CEP55: variants seen among roughly 807,000 people sequenced by gnomAD.
CEP55 encodes the protein centrosomal protein 55, also known as centrosomal protein of 55 kDa.
A neutral mutation model predicts 63.2 loss-of-function variants in CEP55; 57 were observed. The observed-to-expected ratio is 0.90, with a 90% CI of 0.73 to 1.13. CEP55 has a LOEUF of 1.13. CEP55 is among the 50% of genes most tolerant of loss of function. CEP55 has a pLI of 0.00. For synonymous variants in CEP55, 178 were observed against 191.6 expected, an observed-to-expected ratio of 0.93 and a Z score of 0.59; for missense variants, 456 against 518.9, an observed-to-expected ratio of 0.88 and a Z score of 1.18.
intron 8 of CEP55, among the ~76,000 whole-genome samples, chr10:93,524,626 G>C (rs1341036786): frequency 6.6e-6 from 1 of 152,116 alleles, no homozygotes; most frequent in Non-Finnish European, 1.5e-5. Flanking sequence ...GACTGGCAGA[G>C]ACACAACAAA....
chr10:93,527,343 T>G lies in CEP55; in HGVS notation c.1192-607T>G, dbSNP rs556750613. 2.4e-4 allele frequency among the ~76,000 whole-genome samples: 36 copies of G among 152,342 alleles called. No homozygotes were observed. In the East Asian group the frequency reaches 5.6e-3, roughly 24 times the overall value. On this transcript the variant is annotated intron_variant, in intron 8 of 8. Transcript: ENST00000371485. Reference sequence around the variant, plus strand: ...CCTCTGTTTTACAAAACTAGCAAATTTAATCAGCCTTGCATATAGGCCTAC... The same window carrying G: ...CCTCTGTTTTACAAAACTAGCAAATGTAATCAGCCTTGCATATAGGCCTAC...
At chr10:93,514,722 T>C (rs2057785076) in intron 4 of CEP55, among the ~76,000 whole-genome samples, 1 of 152,244 alleles carries the variant, frequency 6.6e-6, no homozygotes, top group Non-Finnish European at 1.5e-5. Flanking sequence ...ATGGAGGCTG[T>C]CAGCTAATCA....
At chr10:93,514,623 GGCA>G (rs1233334635) in intron 4 of CEP55, among the ~76,000 whole-genome samples, 2 of 152,228 alleles carry the variant, frequency 1.3e-5, no homozygotes, top group Non-Finnish European at 2.9e-5. Context: ...GTCCTCGTTG[GGCA>G]GCAATAGTTA....
intron 1 of CEP55, among the ~76,000 whole-genome samples, chr10:93,498,504 G>A (rs919872382): frequency 3.9e-5 from 6 of 152,140 alleles, no homozygotes; most frequent in African/African-American, 7.2e-5. Flanking sequence ...ACTGATGGAT[G>A]AGCTACTGCA....
At chr10:93,524,740 C>G (rs1215612617) in intron 8 of CEP55, among the ~76,000 whole-genome samples, 1 of 152,200 alleles carries the variant, frequency 6.6e-6, no homozygotes, top group East Asian at 1.9e-4. Flanking sequence ...GCTTATCCAT[C>G]ATGATCAAGT....
At chr10:93,499,975 CTGT>C in intron 1 of CEP55, 62 bp from the exon 2 acceptor site, 2 of 1,085,572 alleles carry the variant, frequency 1.8e-6, no homozygotes, top group Admixed American at 4.5e-5. Flanking sequence ...GTTATTAGAC[CTGT>C]TTCAAACTTG....
Position 93,517,165 on chromosome 10 carries a change from A to G in CEP55, c.910A>G (p.Ile304Val), listed in dbSNP as rs765188763. Residue 304 changes from isoleucine to valine, a missense_variant, in exon 6 of 9, where the codon ATA becomes GTA. Coordinates refer to ENST00000371485, the MANE Select transcript of CEP55 (RefSeq NM_018131.5). ...LEDDRHKTEK[I>V]QKLREENDIA... The stretch of plus-strand genomic sequence containing the variant: ...AGATGATAGGCATAAAACAGAGAAG[A>G]TACAAAAACTCAGGGAAGAGAATGA... 4.3e-6 allele frequency: 7 copies of G among 1,613,836 alleles called. No individual in the cohort carries two copies. The South Asian group carries it at 5.5e-5, about 13-fold the overall frequency.
At position 93,519,692 on chromosome 10, in the gene CEP55, G is replaced by A; in HGVS notation, c.1076G>A (p.Cys359Tyr). The A allele has an allele frequency of 6.2e-7, 1 of 1,614,128 alleles. No homozygotes were observed. Among genetic ancestry groups the A allele is most frequent in the Non-Finnish European group, 8.5e-7 (1 of 1,180,028 alleles). Residue 359 changes from cysteine to tyrosine, a missense_variant, in exon 8 of 9, where the codon TGT becomes TAT. Coordinates refer to ENST00000371485, the MANE Select transcript of CEP55 (RefSeq NM_018131.5). ...CTGGGCCTTTTCCAGATGCAGGCAT[G>A]TACTTTAGACTTTGAAAATGAAAAA... ...VALLEQQMQA[C>Y]TLDFENEKLD...
chr10:93,506,770 C>T (rs866614980), intron 3 of CEP55, among the ~76,000 whole-genome samples: 110 of 152,160 alleles, frequency 7.2e-4, no homozygotes, highest in Admixed American at 1.2e-3. Context: ...GATGGGTTTT[C>T]GCCATGTTGG....
At chr10:93,497,390 T>A (rs1161207079) in intron 1 of CEP55, among the ~76,000 whole-genome samples, 2 of 152,178 alleles carry the variant, frequency 1.3e-5, no homozygotes, top group Non-Finnish European at 2.9e-5. Flanking sequence ...CTCAGCCTCC[T>A]GAATAGCTGG....
At chr10:93,520,304 G>A (rs1310855810) in intron 8 of CEP55, 2 of 160,664 alleles carry the variant, frequency 1.2e-5, no homozygotes, top group East Asian at 1.8e-4. Context: ...GCGGGTGCCT[G>A]TAACCTCAGC....
intron 7 of CEP55, chr10:93,519,188 C>T (rs187375542): frequency 2.3e-5 from 11 of 468,908 alleles, no homozygotes; most frequent in African/African-American, 1.4e-4. Context: ...GTTTTCTTGA[C>T]AGGTAGATGT....
At chr10:93,516,143 G>C (rs1253112888) in intron 5 of CEP55, among the ~76,000 whole-genome samples, 1 of 152,146 alleles carries the variant, frequency 6.6e-6, no homozygotes, top group East Asian at 1.9e-4. Flanking sequence ...AATTCTAGAT[G>C]ACAAGCTAAG....
chr10:93,526,258 CA>C (rs2134504910), intron 8 of CEP55, among the ~76,000 whole-genome samples: 1 of 152,200 alleles, frequency 6.6e-6, no homozygotes, highest in South Asian at 2.1e-4. Flanking sequence ...ACAACCCCAT[CA>C]AAAAGTGGGT....
Position 93,500,112 on chromosome 10 carries a change from T to TC in CEP55, c.63dup (p.Lys22GlnfsTer22), listed in dbSNP as rs2057617445. The TC allele has an allele frequency of 6.2e-7, 1 of 1,613,546 alleles. No individual in the cohort carries two copies. The highest frequency in any genetic ancestry group is 8.5e-7 in the Non-Finnish European group (1 of 1,179,656). On this transcript the variant is annotated frameshift_variant, in exon 2 of 9. Coordinates refer to ENST00000371485, the MANE Select transcript of CEP55 (RefSeq NM_018131.5). LOFTEE classifies it high-confidence loss of function. ...TAAGTGGGGATCGAAGCCTAGTAAC[T>TC]CCAAATCCGAAACTACATTAGAAAA...
intron 3 of CEP55, 90 bp from the exon 4 acceptor site, chr10:93,506,898 C>T (rs1437953586): frequency 5.8e-6 from 5 of 867,600 alleles, no homozygotes; most frequent in Non-Finnish European, 1.0e-5. Flanking sequence ...GGGATGCCCC[C>T]GTGAGTTATA....
intron 4 of CEP55, among the ~76,000 whole-genome samples, chr10:93,511,115 A>G (rs542069642): frequency 1.7e-4 from 25 of 151,262 alleles, no homozygotes; most frequent in Non-Finnish European, 2.5e-4. Flanking sequence ...ATTTTTTTTT[A>G]TTTTTAGTAG....
chr10:93,516,490 T>A (rs1299529585), intron 5 of CEP55, among the ~76,000 whole-genome samples: 3 of 152,198 alleles, frequency 2.0e-5, no homozygotes, highest in Non-Finnish European at 4.4e-5. Context: ...TCTGTGTGTC[T>A]GTTTTATCAA....
chr10:93,520,127 C>A, intron 8 of CEP55: 1 of 330,802 alleles, frequency 3.0e-6, no homozygotes, highest in South Asian at 2.9e-5. Context: ...TTGTGTTTAT[C>A]TATTAAAAAA....
Sources: allele counts gnomAD v4.1 joint callset (sites outside exome capture counted in the v4.1 genomes callset), GRCh38; gene constraint gnomAD v4.1.1; transcripts MANE v1.5; gene names NCBI Gene and HGNC (gene_info 2026-07-23, HGNC 2026-07-21).